The following HERC6 variants were observed in gnomAD, a reference collection of about 807,000 sequenced individuals.
HERC6 encodes HECT and RLD domain containing E3 ubiquitin protein ligase family member 6.
HERC6 carries 101 observed loss-of-function variants against 114.5 expected under a neutral mutation model. The observed-to-expected ratio is 0.88, with a 90% CI of 0.75 to 1.04. The LOEUF (loss-of-function observed/expected upper bound fraction) is 1.04, where lower values mean the gene tolerates loss of function less well. HERC6 is among the 50% of genes least tolerant of loss of function. HERC6 has a pLI of 0.00. For synonymous variants in HERC6, 408 were observed against 436.2 expected, an observed-to-expected ratio of 0.94 and a Z score of 0.81; for missense variants, 1,133 against 1,230.9, an observed-to-expected ratio of 0.92 and a Z score of 1.19.
rs1298913854 is a variant in HERC6 at position 88,378,857 on chromosome 4, C to T, written c.-65C>T. ...AAATCATCGCGCACCCAGTCACCAGCGTTCGGGAGCCTGTCGCAGCGGGAC... is the reference window on the plus strand; with the variant it reads ...AAATCATCGCGCACCCAGTCACCAGTGTTCGGGAGCCTGTCGCAGCGGGAC... On this transcript the variant is annotated 5_prime_UTR_variant, in exon 1 of 23. Transcript: ENST00000264346. The T allele has an allele frequency of 3.5e-6, 5 of 1,425,320 alleles. No homozygotes were observed. Among genetic ancestry groups the T allele is most frequent in the Non-Finnish European group, 4.7e-6 (5 of 1,061,824 alleles). 88.3% of individuals were successfully genotyped at this position (1,425,320 alleles called of 1,614,324 possible).
Position 88,424,583 on chromosome 4 carries a change from T to C in HERC6, c.1828-12T>C. On this transcript the variant is annotated splice_polypyrimidine_tract_variant and intron_variant, in intron 14 of 22. Transcript: ENST00000264346. Reference sequence around the variant, plus strand: ...TTAATTATCAAAACTATTATCTCTGTTTATTTTTTAGATACCTGCAGAAAC... The same window carrying C: ...TTAATTATCAAAACTATTATCTCTGCTTATTTTTTAGATACCTGCAGAAAC... 1 of 1,552,838 alleles carries C rather than the reference T, an allele frequency of 6.4e-7. No individual in the cohort carries two copies. The highest frequency in any genetic ancestry group is 8.9e-7 in the Non-Finnish European group (1 of 1,129,908).
At chr4:88,418,152 A>G (rs1327480177) in intron 13 of HERC6, among the ~76,000 whole-genome samples, 3 of 152,128 alleles carry the variant, frequency 2.0e-5, no homozygotes, top group Non-Finnish European at 4.4e-5. Flanking sequence ...GGGAAGGGCA[A>G]TTGGTTTGGA....
At chr4:88,411,193 T>G (rs1415890950) in intron 11 of HERC6, among the ~76,000 whole-genome samples, 1 of 152,166 alleles carries the variant, frequency 6.6e-6, no homozygotes, top group East Asian at 1.9e-4. Flanking sequence ...TAAATGAATT[T>G]AGGTGATATG....
At position 88,431,289 on chromosome 4, in the gene HERC6, T is replaced by TGTG. The variant is rs748901493; in HGVS notation, c.2237_2239dup (p.Trp746dup). On this transcript the variant is annotated inframe_insertion, in exon 17 of 23. Transcript: ENST00000264346. ...ATGTATCCTGAAATGGGTTCCTGCA[T>TGTG]GTGGTTTCCTGCCAAGGTAAGTCTT... The TGTG allele has an allele frequency of 1.9e-6, 3 of 1,595,106 alleles. No homozygotes were observed. In the East Asian group the frequency reaches 6.7e-5, roughly 36 times the overall value.
At chr4:88,386,841 G>T (rs1479442112) in intron 3 of HERC6, among the ~76,000 whole-genome samples, 1 of 152,118 alleles carries the variant, frequency 6.6e-6, no homozygotes, top group African/African-American at 2.4e-5. Flanking sequence ...TAAGAGAGGG[G>T]CAGAAACCTC....
chr4:88,380,849 G>T (rs543527870), intron 1 of HERC6, among the ~76,000 whole-genome samples: 1 of 151,888 alleles, frequency 6.6e-6, no homozygotes, highest in African/African-American at 2.4e-5. Flanking sequence ...ACATTTTGAT[G>T]CATTTTCTCC....
intron 1 of HERC6, 80 bp downstream of exon 1, chr4:88,379,200 C>A: frequency 8.4e-7 from 1 of 1,195,884 alleles, no homozygotes. Flanking sequence ...CGCAGGGAAC[C>A]GGGTGCGGAG....
At chr4:88,379,417 G>C (rs1338127463) in intron 1 of HERC6, among the ~76,000 whole-genome samples, 1 of 151,776 alleles carries the variant, frequency 6.6e-6, no homozygotes, top group Non-Finnish European at 1.5e-5. Flanking sequence ...ATTTGTTTCG[G>C]TTTCCAATTC....
At chr4:88,417,943 T>C (rs1477715717) in intron 13 of HERC6, among the ~76,000 whole-genome samples, 1 of 122,106 alleles carries the variant, frequency 8.2e-6, no homozygotes, top group East Asian at 3.5e-4. Context: ...AAAACCACAT[T>C]TCTTAAAAAA....
intron 1 of HERC6, among the ~76,000 whole-genome samples, chr4:88,380,639 C>T (rs1006984745): frequency 7.4e-5 from 11 of 148,978 alleles, no homozygotes; most frequent in African/African-American, 2.7e-4. Context: ...ATCGCTTGAA[C>T]CCGGGAGGCA....
chr4:88,437,656 G>C, intron 19 of HERC6, 55 bp from the exon 20 acceptor site: 1 of 1,077,406 alleles, frequency 9.3e-7, no homozygotes, highest in Non-Finnish European at 1.4e-6. Flanking sequence ...ATTATGGGTG[G>C]TTGATTATTC....
intron 13 of HERC6, among the ~76,000 whole-genome samples, chr4:88,418,153 T>C (rs1736678902): frequency 1.3e-5 from 2 of 152,026 alleles, no homozygotes; most frequent in South Asian, 2.1e-4. Context: ...GGAAGGGCAA[T>C]TGGTTTGGAA....
In HERC6 at chr4:88,413,133, C is replaced by CCAAGAAG. The variant is rs761201895; in HGVS notation, c.1427_1433dup (p.Leu479ArgfsTer17). The CCAAGAAG allele has an allele frequency of 5.6e-6, 9 of 1,613,552 alleles. No individual in the cohort carries two copies. The South Asian group carries it at 9.9e-5, about 18-fold the overall frequency. The stretch of plus-strand genomic sequence containing the variant: ...GAGCTCTTCCATGCCATTCTCCACA[C>CCAAGAAG]CAAGAAGCTTTATCAGTTTTCCTCC... On this transcript the variant is annotated frameshift_variant, in exon 12 of 23. Transcript: ENST00000264346. LOFTEE classifies it high-confidence loss of function.
chr4:88,404,844 C>A, intron 8 of HERC6, 32 bp from the exon 9 acceptor site: 1 of 1,609,610 alleles, frequency 6.2e-7, no homozygotes, highest in South Asian at 1.1e-5. Context: ...TGTGTGTGTT[C>A]CTGATCATTC....
chr4:88,411,334 C>T (rs866037200), intron 11 of HERC6, among the ~76,000 whole-genome samples: 6 of 151,970 alleles, frequency 3.9e-5, no homozygotes, highest in South Asian at 2.1e-4. Flanking sequence ...TCATGATATG[C>T]GCATTAGGAA....
intron 12 of HERC6, 149 bp downstream of exon 12, chr4:88,413,415 C>G (rs1578394437): frequency 1.6e-6 from 1 of 614,214 alleles, no homozygotes; most frequent in East Asian, 2.9e-5. Flanking sequence ...TAATCTAAAG[C>G]TATTATAATT....
chr4:88,416,300 TGA>T (rs766206647), intron 12 of HERC6, among the ~76,000 whole-genome samples: 1 of 152,238 alleles, frequency 6.6e-6, no homozygotes, highest in Non-Finnish European at 1.5e-5. Context: ...ATTAACCCTG[TGA>T]GAGCGGTTTT....
chr4:88,403,568 C>T (rs1056524617), intron 8 of HERC6, among the ~76,000 whole-genome samples: 3 of 152,180 alleles, frequency 2.0e-5, no homozygotes, highest in Non-Finnish European at 2.9e-5. Flanking sequence ...TCCTGGCTAA[C>T]GCGGTGAAAC....
chr4:88,434,010 GTA>G (rs1738497873), intron 17 of HERC6, among the ~76,000 whole-genome samples: 1 of 152,178 alleles, frequency 6.6e-6, no homozygotes. Context: ...TTCCTACATT[GTA>G]TTAAATATTG....
Sources: allele counts gnomAD v4.1 joint callset (sites outside exome capture counted in the v4.1 genomes callset), GRCh38; gene constraint gnomAD v4.1.1; transcripts MANE v1.5; gene names NCBI Gene and HGNC (gene_info 2026-07-23, HGNC 2026-07-21).